CCDC102B: variants seen among roughly 807,000 people sequenced by gnomAD.
CCDC102B encodes coiled-coil domain containing 102B.
Under a neutral mutation model 57.4 loss-of-function variants are expected in CCDC102B, and 75 were observed. The ratio of observed to expected loss-of-function variants is 1.31; its 90% CI spans 1.08 to 1.58. CCDC102B has a LOEUF of 1.58. Among genes scored for constraint, CCDC102B ranks in the 40% most tolerant of loss-of-function variants. The pLI is 0.00. For synonymous variants in CCDC102B, 206 were observed against 201.9 expected, an observed-to-expected ratio of 1.02 and a Z score of -0.17; for missense variants, 636 against 582.6, an observed-to-expected ratio of 1.09 and a Z score of -0.94.
intron 7 of CCDC102B, among the ~76,000 whole-genome samples, chr18:69,018,225 C>A (rs906940395): frequency 6.6e-6 from 1 of 152,172 alleles, no homozygotes; most frequent in African/African-American, 2.4e-5. Flanking sequence ...CACACACATG[C>A]GTATATACAC....
chr18:69,034,958 C>T (rs1006560233), intron 7 of CCDC102B, among the ~76,000 whole-genome samples: 1 of 151,710 alleles, frequency 6.6e-6, no homozygotes, highest in Non-Finnish European at 1.5e-5. Context: ...ACAGCCATAC[C>T]CTTAAAATGG....
chr18:68,940,452 A>C (rs2049348110), intron 6 of CCDC102B, among the ~76,000 whole-genome samples: 1 of 151,884 alleles, frequency 6.6e-6, no homozygotes, highest in African/African-American at 2.4e-5. Context: ...GAATCACATT[A>C]CATATAGGGA....
At chr18:68,805,173 A>C (rs992921499) in intron 1 of CCDC102B, among the ~76,000 whole-genome samples, 6 of 151,866 alleles carry the variant, frequency 4.0e-5, no homozygotes, top group Non-Finnish European at 7.4e-5. Context: ...AAATAGAAAA[A>C]CCCCCGCAAT....
intron 7 of CCDC102B, among the ~76,000 whole-genome samples, chr18:69,028,738 T>C (rs2052059125): frequency 6.6e-6 from 1 of 152,256 alleles, no homozygotes; most frequent in African/African-American, 2.4e-5. Context: ...GAATAACTGG[T>C]GACCTACAGT....
At chr18:68,928,954 C>A (rs1466749862) in intron 6 of CCDC102B, among the ~76,000 whole-genome samples, 1 of 151,766 alleles carries the variant, frequency 6.6e-6, no homozygotes, top group Non-Finnish European at 1.5e-5. Context: ...CATGACAAAG[C>A]GGCAGAAAAG....
chr18:69,038,366 G>T (rs2052349258), intron 7 of CCDC102B, among the ~76,000 whole-genome samples: 1 of 151,830 alleles, frequency 6.6e-6, no homozygotes, highest in Admixed American at 6.6e-5. Context: ...GTGTGTTTCT[G>T]ATATTATTTG....
chr18:68,986,358 T>C (rs2050723075), intron 6 of CCDC102B, among the ~76,000 whole-genome samples: 1 of 152,194 alleles, frequency 6.6e-6, no homozygotes, highest in South Asian at 2.1e-4. Flanking sequence ...TCAATAAATG[T>C]GATTTACCAC....
chr18:68,874,612 A>G (rs1018764273), intron 4 of CCDC102B, 57 bp from the exon 5 acceptor site: 1 of 1,090,962 alleles, frequency 9.2e-7, no homozygotes, highest in Admixed American at 1.7e-5. Context: ...AATGTGGATT[A>G]TCCTGTAACC....
intron 6 of CCDC102B, among the ~76,000 whole-genome samples, chr18:68,897,967 C>G (rs904471959): frequency 6.6e-6 from 1 of 151,938 alleles, no homozygotes; most frequent in Non-Finnish European, 1.5e-5. Flanking sequence ...AATCTTAAAA[C>G]CAGGATAACA....
At chr18:68,874,170 A>ATGTGTGTG (rs34176363) in intron 4 of CCDC102B, among the ~76,000 whole-genome samples, 22 of 138,336 alleles carry the variant, frequency 1.6e-4, no homozygotes, top group African/African-American at 6.0e-4. Context: ...GTGTGTGTGT[A>ATGTGTGTG]TGTGTGTGTG....
chr18:68,734,381 CAT>C (rs1456924253), intron 2 of CCDC102B, among the ~76,000 whole-genome samples: 2 of 152,158 alleles, frequency 1.3e-5, no homozygotes, highest in East Asian at 1.9e-4. Flanking sequence ...AGGGTGCAAA[CAT>C]ATAAATTATT....
chr18:69,025,832 A>G (rs2051973599), intron 7 of CCDC102B, among the ~76,000 whole-genome samples: 3 of 152,242 alleles, frequency 2.0e-5, no homozygotes, highest in African/African-American at 2.4e-5. Context: ...ATTTATCAAC[A>G]GCAGAAGGAC....
intron 6 of CCDC102B, among the ~76,000 whole-genome samples, chr18:68,958,052 A>G (rs9946252): frequency 0.064 from 9,773 of 152,152 alleles, 738 homozygotes; most frequent in African/African-American, 0.18. Context: ...GGTGAAAGGC[A>G]TGTCTCACAT....
intron 2 of CCDC102B, among the ~76,000 whole-genome samples, chr18:68,752,697 G>A (rs890394255): frequency 6.6e-6 from 1 of 152,090 alleles, no homozygotes; most frequent in Non-Finnish European, 1.5e-5. Flanking sequence ...ATTGTTTTCA[G>A]TGCCAACAGT....
chr18:68,846,453 G>T, intron 4 of CCDC102B, 32 bp downstream of exon 4: 1 of 1,367,796 alleles, frequency 7.3e-7, no homozygotes, highest in Non-Finnish European at 1.0e-6. Context: ...AGGAAGAAAT[G>T]AAGCCTAGCT....
At chr18:69,002,723 T>G in intron 6 of CCDC102B, among the ~76,000 whole-genome samples, 1 of 152,204 alleles carries the variant, frequency 6.6e-6, no homozygotes, top group Non-Finnish European at 1.5e-5. Context: ...TTAAGTGAGA[T>G]GAAAGTGATT....
At chr18:68,938,562 T>G (rs1465280502) in intron 6 of CCDC102B, among the ~76,000 whole-genome samples, 15 of 151,830 alleles carry the variant, frequency 9.9e-5, no homozygotes, top group Non-Finnish European at 1.9e-4. Flanking sequence ...ACTGGAATAA[T>G]GAGAATTTAC....
rs374697935 is a variant in CCDC102B, at chr18:68,809,501, T to A, written c.-16+11320T>A. 2.6e-5 allele frequency among the ~76,000 whole-genome samples: 4 copies of A among 152,210 alleles called. No individual in the cohort carries two copies. The South Asian group carries it at 8.3e-4, about 32-fold the overall frequency. The stretch of plus-strand genomic sequence containing the variant: ...GTTCAGAGCAATTTGTTTTTAATCA[T>A]TTAACTCAATTTTTGTTCTATTAAA... On this transcript the variant is annotated intron_variant, in intron 1 of 7. Transcript: ENST00000360242.
At chr18:69,036,537 G>A (rs1484535403) in intron 7 of CCDC102B, among the ~76,000 whole-genome samples, 2 of 152,126 alleles carry the variant, frequency 1.3e-5, no homozygotes, top group African/African-American at 4.8e-5. Flanking sequence ...TCAAATTATA[G>A]CCTACTTGCT....
Sources: gnomAD v4.1 joint callset for allele counts (sites outside exome capture counted in the v4.1 genomes callset) on GRCh38, gnomAD v4.1.1 for gene constraint, MANE v1.5 for transcripts, NCBI Gene and HGNC (gene_info 2026-07-23, HGNC 2026-07-21) for gene names.